OPCML: variants seen among roughly 807,000 people sequenced by gnomAD.
The protein encoded by OPCML is opioid-binding protein/cell adhesion molecule.
OPCML carries 13 observed loss-of-function variants against 37.8 expected under a neutral mutation model. The observed-to-expected ratio is 0.34, with a 90% CI of 0.22 to 0.55. The LOEUF (loss-of-function observed/expected upper bound fraction) is 0.55, where lower values mean the gene tolerates loss of function less well. Ranked by LOEUF, OPCML falls within the 20% of genes least tolerant of loss-of-function variation. The probability of loss-of-function intolerance (pLI) is 0.91; values close to 1 mark genes in which losing one functional copy is unlikely to be tolerated. For synonymous variants in OPCML, 176 were observed against 168.8 expected (o/e 1.04, Z -0.33); for missense variants, 341 against 435.6 (o/e 0.78, Z 1.93).
intron 4 of OPCML, among the ~76,000 whole-genome samples, chr11:132,509,926 A>G (rs1252910121): frequency 2.0e-5 from 3 of 152,140 alleles, no homozygotes; most frequent in Admixed American, 6.5e-5. Context: ...GCAGAATGGT[A>G]GATCTACCAA....
chr11:133,488,857 A>C (rs1485377137), intron 1 of OPCML, among the ~76,000 whole-genome samples: 1 of 151,826 alleles, frequency 6.6e-6, no homozygotes, highest in Non-Finnish European at 1.5e-5. Flanking sequence ...GCTGCATTGT[A>C]CTGACATAAA....
At chr11:133,317,366 T>A (rs578050006) in intron 1 of OPCML, among the ~76,000 whole-genome samples, 61 of 152,318 alleles carry the variant, frequency 4.0e-4, no homozygotes, top group African/African-American at 1.4e-3. Flanking sequence ...AACTTATCTA[T>A]CACAGAATAA....
chr11:132,571,609 T>C (rs2096438647), intron 3 of OPCML, among the ~76,000 whole-genome samples: 1 of 152,198 alleles, frequency 6.6e-6, no homozygotes, highest in Non-Finnish European at 1.5e-5. Context: ...GAGTTTCCTT[T>C]TTGTAACTCT....
chr11:132,685,442 A>T (rs1368732554), intron 2 of OPCML, among the ~76,000 whole-genome samples: 1 of 152,172 alleles, frequency 6.6e-6, no homozygotes, highest in Non-Finnish European at 1.5e-5. Flanking sequence ...ATCATTTTTC[A>T]TGACACACCG....
intron 2 of OPCML, among the ~76,000 whole-genome samples, chr11:132,910,959 A>G (rs2136540349): frequency 6.6e-6 from 1 of 152,390 alleles, no homozygotes; most frequent in Non-Finnish European, 1.5e-5. Context: ...GCAAGGGTGA[A>G]AAGAATGATG....
chr11:132,972,446 G>A (rs760203028), intron 1 of OPCML, among the ~76,000 whole-genome samples: 2 of 152,166 alleles, frequency 1.3e-5, no homozygotes, highest in Non-Finnish European at 2.9e-5. Context: ...AGTTACCAAG[G>A]TCATATTCAT....
rs143949631 is a variant in OPCML at position 132,904,852 on chromosome 11, G to A, written c.146+38074C>T. On this transcript the variant is annotated intron_variant, in intron 2 of 7. Coordinates refer to ENST00000524381, the MANE Select transcript of OPCML (RefSeq NM_001012393.5). The stretch of plus-strand genomic sequence containing the variant: ...GCCTAATGAAACTGCTTCAGAGGTC[G>A]TGAGTTTGTTTGAATTGGGATTTTT... Among the ~76,000 whole-genome samples the A allele has an allele frequency of 5.9e-5, 9 of 152,286 alleles. No individual in the cohort carries two copies. The South Asian group carries it at 6.2e-4, about 11-fold the overall frequency.
chr11:133,457,859 G>T (rs959569362), intron 1 of OPCML, among the ~76,000 whole-genome samples: 10 of 151,994 alleles, frequency 6.6e-5, no homozygotes, highest in Non-Finnish European at 1.0e-4. Context: ...AAAATACAAA[G>T]TTCTTAGCCA....
intron 1 of OPCML, among the ~76,000 whole-genome samples, chr11:133,113,697 C>T (rs1278410981): frequency 6.6e-6 from 1 of 152,112 alleles, no homozygotes; most frequent in Non-Finnish European, 1.5e-5. Context: ...GACTAAGGGC[C>T]AAAGAGTAAA....
At chr11:133,055,178 G>A (rs1346162448) in intron 1 of OPCML, among the ~76,000 whole-genome samples, 1 of 144,682 alleles carries the variant, frequency 6.9e-6, no homozygotes, top group East Asian at 2.1e-4. Flanking sequence ...ATATAATGCT[G>A]CCTCCATGAT....
At chr11:133,225,988 T>G (rs1208165023) in intron 1 of OPCML, among the ~76,000 whole-genome samples, 1 of 152,254 alleles carries the variant, frequency 6.6e-6, no homozygotes, top group Non-Finnish European at 1.5e-5. Flanking sequence ...AGGAATGACA[T>G]TTTATAGATG....
At chr11:132,616,149 C>T (rs998644365) in intron 3 of OPCML, among the ~76,000 whole-genome samples, 20 of 152,216 alleles carry the variant, frequency 1.3e-4, no homozygotes, top group African/African-American at 4.8e-4. Flanking sequence ...ATTCTACCTT[C>T]ATCTTTGGAG....
At chr11:133,155,425 G>A (rs1198701856) in intron 1 of OPCML, among the ~76,000 whole-genome samples, 2 of 152,026 alleles carry the variant, frequency 1.3e-5, no homozygotes, top group African/African-American at 4.8e-5. Context: ...GGATCATTCT[G>A]ACCACTCTGT....
At chr11:133,209,263 T>C (rs1939251064) in intron 1 of OPCML, among the ~76,000 whole-genome samples, 1 of 152,200 alleles carries the variant, frequency 6.6e-6, no homozygotes, top group Non-Finnish European at 1.5e-5. Context: ...TCTAGTGCAA[T>C]ACCTGGCGTG....
At chr11:133,164,423 A>G (rs145303991) in intron 1 of OPCML, among the ~76,000 whole-genome samples, 233 of 152,324 alleles carry the variant, frequency 1.5e-3, no homozygotes, top group African/African-American at 5.5e-3. Context: ...TGTTTTGGGC[A>G]CCTTGTCAGT....
intron 2 of OPCML, among the ~76,000 whole-genome samples, chr11:132,685,982 T>G (rs1166548520): frequency 6.6e-6 from 1 of 152,152 alleles, no homozygotes; most frequent in Non-Finnish European, 1.5e-5. Context: ...CTGGTGGCAT[T>G]TATTTTGAGT....
chr11:133,237,684 C>T (rs1940573347), intron 1 of OPCML, among the ~76,000 whole-genome samples: 2 of 152,202 alleles, frequency 1.3e-5, no homozygotes, highest in African/African-American at 2.4e-5. Context: ...CCCCTTCATC[C>T]TTCCTCTCTT....
chr11:133,237,056 A>ACAT (rs1940548989), intron 1 of OPCML, among the ~76,000 whole-genome samples: 1 of 152,222 alleles, frequency 6.6e-6, no homozygotes, highest in African/African-American at 2.4e-5. Context: ...CGAGGAACAA[A>ACAT]CATTTCAAAC....
chr11:133,238,269 T>C (rs1208280706), intron 1 of OPCML, among the ~76,000 whole-genome samples: 1 of 152,200 alleles, frequency 6.6e-6, no homozygotes, highest in Non-Finnish European at 1.5e-5. Context: ...CCACTCTCCA[T>C]AGGTGGCTGT....
Sources: gnomAD v4.1 joint callset for allele counts (sites outside exome capture counted in the v4.1 genomes callset) on GRCh38, gnomAD v4.1.1 for gene constraint, MANE v1.5 for transcripts, NCBI Gene and HGNC (gene_info 2026-07-23, HGNC 2026-07-21) for gene names.